The following ATG5 variants were observed in gnomAD, a reference collection of about 807,000 sequenced individuals.
ATG5 encodes autophagy protein 5.
In ATG5, 14 loss-of-function variants were observed where a neutral mutation model predicts 36.5. That is an observed-to-expected ratio of 0.38 (90% CI 0.25 to 0.60). The LOEUF (loss-of-function observed/expected upper bound fraction) is 0.60, where lower values mean the gene tolerates loss of function less well. Ranked by LOEUF, ATG5 falls within the 20% of genes least tolerant of loss-of-function variation. The probability of loss-of-function intolerance (pLI) is 0.60; values close to 1 mark genes in which losing one functional copy is unlikely to be tolerated. For synonymous variants in ATG5, 95 were observed against 101.5 expected (o/e 0.94, Z 0.38); for missense variants, 195 against 326.7 (o/e 0.60, Z 3.11).
chr6:106,223,506 T>C lies in ATG5; in HGVS notation c.574-21417A>G, dbSNP rs192318927. Among the ~76,000 whole-genome samples the C allele has an allele frequency of 3.9e-5, 6 of 152,338 alleles. No homozygotes were observed. In the East Asian group the frequency reaches 1.2e-3, roughly 29 times the overall value. On this transcript the variant is annotated intron_variant, in intron 6 of 7. Transcript: ENST00000369076. ...CTTAGGGCAATCAAAACTTGCTGTG[T>C]TGGGCTGCCCCCTACAGGACTCAAT...
intron 5 of ATG5, among the ~76,000 whole-genome samples, chr6:106,279,063 G>A (rs994670569): frequency 6.6e-6 from 1 of 152,188 alleles, no homozygotes; most frequent in Non-Finnish European, 1.5e-5. Context: ...GGAAAGGGAG[G>A]ACTATCTGTA....
At chr6:106,191,845 TATAAGA>T (rs1274901373) in intron 7 of ATG5, among the ~76,000 whole-genome samples, 13 of 152,172 alleles carry the variant, frequency 8.5e-5, no homozygotes, top group South Asian at 4.1e-4. Flanking sequence ...CTACACACGT[TATAAGA>T]ATAAGTTCAT....
chr6:106,295,486 G>A (rs771755405), intron 3 of ATG5, among the ~76,000 whole-genome samples: 25 of 151,844 alleles, frequency 1.6e-4, no homozygotes, highest in Non-Finnish European at 3.4e-4. Context: ...TAACAAATGT[G>A]TGAAACACTT....
intron 5 of ATG5, among the ~76,000 whole-genome samples, chr6:106,269,312 T>C (rs1166577847): frequency 2.0e-5 from 3 of 152,064 alleles, no homozygotes; most frequent in Admixed American, 2.0e-4. Flanking sequence ...GAGCTAGACA[T>C]AAAGGTTCTC....
chr6:106,271,755 T>C (rs1403451973), intron 5 of ATG5: 6 of 151,734 alleles, frequency 4.0e-5, no homozygotes, highest in Admixed American at 1.3e-4. Context: ...GAACTAGATA[T>C]AGACAAGTGC....
intron 5 of ATG5, among the ~76,000 whole-genome samples, chr6:106,272,411 C>T (rs1221873614): frequency 6.6e-6 from 1 of 152,202 alleles, no homozygotes; most frequent in East Asian, 1.9e-4. Flanking sequence ...TGCCTGACTT[C>T]CAGTTTGACC....
chr6:106,220,870 G>T (rs1777220171), intron 6 of ATG5, among the ~76,000 whole-genome samples: 1 of 152,078 alleles, frequency 6.6e-6, no homozygotes, highest in Admixed American at 6.5e-5. Flanking sequence ...CACCCTAAGG[G>T]GCATCATTCT....
intron 5 of ATG5, among the ~76,000 whole-genome samples, chr6:106,267,918 A>C (rs905560187): frequency 6.6e-6 from 1 of 152,252 alleles, no homozygotes; most frequent in Non-Finnish European, 1.5e-5. Flanking sequence ...ACCATTCAGG[A>C]CATAGGCATG....
intron 1 of ATG5, among the ~76,000 whole-genome samples, chr6:106,320,354 T>C (rs1043465559): frequency 2.0e-5 from 3 of 152,154 alleles, no homozygotes; most frequent in African/African-American, 7.2e-5. Flanking sequence ...ACTTGAAGAA[T>C]GGGTAGAATA....
intron 7 of ATG5, among the ~76,000 whole-genome samples, chr6:106,187,512 T>C (rs543764362): frequency 1.3e-5 from 2 of 151,022 alleles, no homozygotes; most frequent in Non-Finnish European, 1.5e-5. Flanking sequence ...AAAAAAAAAA[T>C]AGAACCATCA....
At chr6:106,314,399 A>G (rs1452962109) in intron 2 of ATG5, among the ~76,000 whole-genome samples, 1 of 152,098 alleles carries the variant, frequency 6.6e-6, no homozygotes, top group Non-Finnish European at 1.5e-5. Context: ...TCTACTAAAA[A>G]TCTAAAAATT....
chr6:106,288,194 C>G, intron 4 of ATG5, among the ~76,000 whole-genome samples: 1 of 152,114 alleles, frequency 6.6e-6, no homozygotes, highest in East Asian at 1.9e-4. Context: ...AGGCCTCAAA[C>G]TCCTGACCTC....
chr6:106,264,179 C>T (rs1220862669), intron 5 of ATG5, among the ~76,000 whole-genome samples: 1 of 151,998 alleles, frequency 6.6e-6, no homozygotes, highest in African/African-American at 2.4e-5. Flanking sequence ...AAACACAGCA[C>T]AAGAACTTTG....
At chr6:106,187,372 C>A (rs766480665) in intron 7 of ATG5, among the ~76,000 whole-genome samples, 1 of 151,944 alleles carries the variant, frequency 6.6e-6, no homozygotes, top group Non-Finnish European at 1.5e-5. Context: ...CAATTGTATT[C>A]CAAATTAAAC....
Position 106,293,073 on chromosome 6 carries a change from A to AAG in ATG5, c.268_269dup (p.Ala91LeufsTer40), listed in dbSNP as rs1161022914. Reference sequence around the variant, plus strand: ...TCCAAGGAAGAGCTGAACTTGATGCAAGAAGATCAAATAGCAAACCAATTG... The same window carrying AAG: ...TCCAAGGAAGAGCTGAACTTGATGCAAGAGAAGATCAAATAGCAAACCAATTG... On this transcript the variant is annotated frameshift_variant, in exon 4 of 8. Transcript: ENST00000369076. LOFTEE classifies it high-confidence loss of function. 6.2e-7 allele frequency: 1 copy of AAG among 1,613,596 alleles called. No homozygotes were observed. The highest frequency in any genetic ancestry group is 8.5e-7 in the Non-Finnish European group (1 of 1,179,722).
intron 6 of ATG5, among the ~76,000 whole-genome samples, chr6:106,234,853 G>A (rs577588781): frequency 3.3e-5 from 5 of 152,152 alleles, no homozygotes; most frequent in South Asian, 2.1e-4. Flanking sequence ...ATGGGTTGCC[G>A]ACTCCCTGGT....
At chr6:106,239,989 G>C (rs1778054168) in intron 6 of ATG5, among the ~76,000 whole-genome samples, 2 of 151,970 alleles carry the variant, frequency 1.3e-5, no homozygotes, top group South Asian at 4.1e-4. Context: ...CACATTGTGG[G>C]AAAGGACCTT....
chr6:106,253,118 A>G (rs1778663463), intron 5 of ATG5, among the ~76,000 whole-genome samples: 1 of 152,252 alleles, frequency 6.6e-6, no homozygotes, highest in Admixed American at 6.5e-5. Flanking sequence ...TATGTTAAAC[A>G]TCTCTGTAAG....
intron 5 of ATG5, among the ~76,000 whole-genome samples, chr6:106,269,517 G>A (rs913776372): frequency 9.9e-5 from 15 of 152,222 alleles, no homozygotes; most frequent in Non-Finnish European, 2.9e-5. Flanking sequence ...GGAGGCTCAG[G>A]CATGGCGGGC....
Sources: gnomAD v4.1 joint callset for allele counts (sites outside exome capture counted in the v4.1 genomes callset) on GRCh38, gnomAD v4.1.1 for gene constraint, MANE v1.5 for transcripts, NCBI Gene and HGNC (gene_info 2026-07-23, HGNC 2026-07-21) for gene names.